Variants in ELAPOR2 observed in about 807,000 individuals in gnomAD.
ELAPOR2 encodes endosome-lysosome associated apoptosis and autophagy regulator family member 2.
ELAPOR2 carries 89 observed loss-of-function variants against 120.7 expected under a neutral mutation model. The observed-to-expected ratio is 0.74, with a 90% CI of 0.62 to 0.88. The LOEUF (loss-of-function observed/expected upper bound fraction) is 0.88, where lower values mean the gene tolerates loss of function less well. Ranked by LOEUF, ELAPOR2 falls within the 40% of genes least tolerant of loss-of-function variation. ELAPOR2 has a pLI of 0.00. For synonymous variants in ELAPOR2, 444 were observed against 444.9 expected (o/e 1.00, Z 0.03); for missense variants, 1,134 against 1,251.6 (o/e 0.91, Z 1.42).
At position 87,003,696 on chromosome 7, in the gene ELAPOR2, C is replaced by T. The variant is rs991249134; in HGVS notation, c.190-38672G>A. On this transcript the variant is annotated intron_variant, in intron 1 of 21. Transcript: ENST00000450689. Reference sequence around the variant, plus strand: ...ATAACAATGTGAGAACGAGCTAATACAACTTGCAAATATGGCTTCCAGAAT... The same window carrying T: ...ATAACAATGTGAGAACGAGCTAATATAACTTGCAAATATGGCTTCCAGAAT... Among the ~76,000 whole-genome samples, 18 of 152,226 alleles carry T rather than the reference C, an allele frequency of 1.2e-4. 1 individual carries two copies. Among genetic ancestry groups the T allele is most frequent in the African/African-American group, 2.9e-4 (12 of 41,546 alleles).
chr7:86,986,876 G>C (rs1346727435), intron 1 of ELAPOR2, among the ~76,000 whole-genome samples: 1 of 150,250 alleles, frequency 6.7e-6, no homozygotes. Flanking sequence ...CCAAAAAAGA[G>C]CCCACATTGC....
At chr7:86,918,276 T>G (rs1431243753) in intron 12 of ELAPOR2, among the ~76,000 whole-genome samples, 166 bp downstream of exon 12, 1 of 147,256 alleles carries the variant, frequency 6.8e-6, no homozygotes, top group East Asian at 2.0e-4. Flanking sequence ...AATTCTTAAT[T>G]ATTTCTTCAG....
At chr7:86,905,131 G>GGAAGGAAAGA (rs1562910052) in intron 18 of ELAPOR2, among the ~76,000 whole-genome samples, 37 of 142,236 alleles carry the variant, frequency 2.6e-4, no homozygotes, top group African/African-American at 9.4e-4. Flanking sequence ...AGGAAGGAAA[G>GGAAGGAAAGA]AAAGAAAAGA....
At chr7:86,945,332 C>A (rs1790956435) in intron 3 of ELAPOR2, among the ~76,000 whole-genome samples, 1 of 152,176 alleles carries the variant, frequency 6.6e-6, no homozygotes, top group African/African-American at 2.4e-5. Flanking sequence ...ATTTTAGTAG[C>A]CTTAGATGGA....
intron 21 of ELAPOR2, among the ~76,000 whole-genome samples, chr7:86,883,050 G>GTGTGTA (rs1330201470): frequency 6.6e-6 from 1 of 151,882 alleles, no homozygotes; most frequent in African/African-American, 2.4e-5. Context: ...GTGTGTGTGT[G>GTGTGTA]TGTGTGTGTG....
chr7:87,036,607 A>G (rs1794596623), intron 1 of ELAPOR2, among the ~76,000 whole-genome samples: 1 of 152,250 alleles, frequency 6.6e-6, no homozygotes, highest in Non-Finnish European at 1.5e-5. Context: ...GAGCCATAAA[A>G]AACAACAAAA....
chr7:87,017,677 T>G (rs1793914240), intron 1 of ELAPOR2, among the ~76,000 whole-genome samples: 1 of 151,984 alleles, frequency 6.6e-6, no homozygotes, highest in African/African-American at 2.4e-5. Context: ...TCCCAACACT[T>G]TGGGAGGCTT....
intron 1 of ELAPOR2, among the ~76,000 whole-genome samples, chr7:87,026,763 C>T (rs1403409517): frequency 2.0e-5 from 3 of 151,898 alleles, no homozygotes; most frequent in Non-Finnish European, 4.4e-5. Context: ...CTGTATTTTA[C>T]ACTTTCTAAA....
At chr7:86,982,721 G>C (rs2116560261) in intron 1 of ELAPOR2, among the ~76,000 whole-genome samples, 1 of 152,320 alleles carries the variant, frequency 6.6e-6, no homozygotes, top group South Asian at 2.1e-4. Flanking sequence ...AAACCACAAA[G>C]ATGGGGAGAA....
chr7:86,939,091 T>C, intron 6 of ELAPOR2, 131 bp from the exon 7 acceptor site: 2 of 895,472 alleles, frequency 2.2e-6, no homozygotes, highest in Non-Finnish European at 1.7e-6. Flanking sequence ...TCTTTTATCT[T>C]ATTCATCCAG....
At chr7:87,013,647 T>C (rs1793767601) in intron 1 of ELAPOR2, among the ~76,000 whole-genome samples, 1 of 152,204 alleles carries the variant, frequency 6.6e-6, no homozygotes, top group Non-Finnish European at 1.5e-5. Context: ...GGAACAGCAA[T>C]GACAGACTCT....
In ELAPOR2 at chr7:86,947,814, T is replaced by C. The variant is rs566406863; in HGVS notation, c.419A>G (p.Asp140Gly). ...GTTAGAAAATCCTGCCGGCAATTCA[T>C]CCCATTCATCAAATTTGATGCCACT... is the stretch of plus-strand genomic sequence containing the variant. Reference protein sequence around the residue: ...LGSGIKFDEWDELPAGFSNIA... With the variant: ...LGSGIKFDEWGELPAGFSNIA... Residue 140 changes from aspartate to glycine, a missense_variant, in exon 3 of 22, where the codon GAT becomes GGT. By Grantham distance (94) the Asp-to-Gly change is moderately conservative. Around this residue, in one of 3 missense-constraint regions of ELAPOR2, gnomAD observed 280 missense variants for 331.5 expected, o/e 0.84. Transcript: ENST00000450689. The C allele has an allele frequency of 1.9e-6, 3 of 1,551,962 alleles. No homozygotes were observed. The highest frequency in any genetic ancestry group is 2.4e-5 in the South Asian group (2 of 84,064).
rs954783530 is a variant in ELAPOR2 at position 87,010,362 on chromosome 7, C to T, written c.190-45338G>A. ...AAGTGAAAATGTACTATCAGAAGTA[C>T]TACCTATGTCTTTCATCAGTGTTCA... On this transcript the variant is annotated intron_variant, in intron 1 of 21. Transcript: ENST00000450689. Among the ~76,000 whole-genome samples the T allele has an allele frequency of 9.2e-5, 14 of 152,290 alleles. No individual in the cohort carries two copies. In the East Asian group the frequency reaches 2.5e-3, roughly 27 times the overall value.
intron 4 of ELAPOR2, among the ~76,000 whole-genome samples, chr7:86,943,180 G>C (rs781146296): frequency 2.6e-5 from 4 of 151,724 alleles, no homozygotes; most frequent in African/African-American, 9.7e-5. Context: ...TAAACTGAAA[G>C]CTTTTTTTAT....
At chr7:87,049,757 A>G (rs1040201327) in intron 1 of ELAPOR2, among the ~76,000 whole-genome samples, 7 of 152,224 alleles carry the variant, frequency 4.6e-5, no homozygotes, top group African/African-American at 1.7e-4. Flanking sequence ...AAGAACAAGT[A>G]GACTGGGACT....
chr7:86,951,357 A>C (rs1039333938), intron 2 of ELAPOR2, among the ~76,000 whole-genome samples: 1 of 152,244 alleles, frequency 6.6e-6, no homozygotes, highest in African/African-American at 2.4e-5. Context: ...ATAAAAGGTA[A>C]TATTTTATGA....
chr7:86,966,008 A>AT (rs1370621708), intron 1 of ELAPOR2: 4 of 973,518 alleles, frequency 4.1e-6, no homozygotes, highest in Non-Finnish European at 4.9e-6. Context: ...TAATTTTAAC[A>AT]TTTTTTGCAA....
chr7:86,913,715 T>A (rs966291863), intron 13 of ELAPOR2, among the ~76,000 whole-genome samples: 1 of 152,190 alleles, frequency 6.6e-6, no homozygotes, highest in East Asian at 1.9e-4. Flanking sequence ...CATTGAGTCT[T>A]CCTTTCCTTC....
At chr7:86,993,234 C>CAAAAAAAAAAA (rs1159917841) in intron 1 of ELAPOR2, among the ~76,000 whole-genome samples, 47 of 57,008 alleles carry the variant, frequency 8.2e-4, no homozygotes, top group African/African-American at 1.2e-3. Flanking sequence ...GACTCCATCT[C>CAAAAAAAAAAA]AAAAAAAAAA....
Sources: allele counts gnomAD v4.1 joint callset (sites outside exome capture counted in the v4.1 genomes callset), GRCh38; gene constraint gnomAD v4.1.1; regional missense constraint gnomAD v4.1.1; transcripts MANE v1.5; gene names NCBI Gene and HGNC (gene_info 2026-07-23, HGNC 2026-07-21).